Variants in ASAP2 observed in about 807,000 individuals in gnomAD.
ASAP2 encodes the protein arf-GAP with SH3 domain, ANK repeat and PH domain-containing protein 2.
ASAP2 carries 45 observed loss-of-function variants against 131.4 expected under a neutral mutation model. The ratio of observed to expected loss-of-function variants is 0.34; its 90% CI spans 0.27 to 0.44. ASAP2 has a LOEUF of 0.44. Ranked by LOEUF, ASAP2 falls within the 20% of genes least tolerant of loss-of-function variation. The probability of loss-of-function intolerance (pLI) is 1.00; values close to 1 mark genes in which losing one functional copy is unlikely to be tolerated. For missense variants in ASAP2, 1,011 were observed against 1,297.0 expected, an observed-to-expected ratio of 0.78 and a Z score of 3.39; for synonymous variants, 510 against 503.0, an observed-to-expected ratio of 1.01 and a Z score of -0.19.
chr2:9,317,367 TCAC>T (rs1364160511), intron 3 of ASAP2, among the ~76,000 whole-genome samples: 1 of 137,046 alleles, frequency 7.3e-6, no homozygotes, highest in Admixed American at 7.2e-5. Context: ...TCATTCACAT[TCAC>T]CCCCAACTCA....
intron 1 of ASAP2, among the ~76,000 whole-genome samples, chr2:9,263,074 G>A (rs758940119): frequency 6.6e-6 from 1 of 152,080 alleles, no homozygotes; most frequent in Non-Finnish European, 1.5e-5. Flanking sequence ...GAGCTCGGCT[G>A]CCTTCTGCAT....
chr2:9,400,004 T>G lies in ASAP2; in HGVS notation c.2685-19T>G, dbSNP rs1352369766. 6.2e-7 allele frequency: 1 copy of G among 1,612,422 alleles called. No individual in the cohort carries two copies. The stretch of plus-strand genomic sequence containing the variant: ...TGCCCTCCGGTAGCAGTAAATCTAC[T>G]TTTTCCCTGTCTTTGTAGGGCTGAC... On this transcript the variant is annotated intron_variant, in intron 24 of 27. Coordinates refer to ENST00000281419, the MANE Select transcript of ASAP2 (RefSeq NM_003887.3).
rs145734851 is a variant in ASAP2, at chr2:9,398,637, G to A, written c.2685-1386G>A. Reference sequence around the variant, plus strand: ...AGCCTGGCCCACATGGTGAAACCCCGTCTCTACTGAAAATACAAAAAATTT... The same window carrying A: ...AGCCTGGCCCACATGGTGAAACCCCATCTCTACTGAAAATACAAAAAATTT... On this transcript the variant is annotated intron_variant, in intron 24 of 27. Coordinates refer to ENST00000281419, the MANE Select transcript of ASAP2 (RefSeq NM_003887.3). 6.6e-3 allele frequency among the ~76,000 whole-genome samples: 999 copies of A among 152,038 alleles called. 5 individuals carry two copies. The highest frequency in any genetic ancestry group is 0.022 in the African/African-American group (917 of 41,464).
intron 24 of ASAP2, among the ~76,000 whole-genome samples, chr2:9,394,537 C>T (rs1467653431): frequency 6.6e-6 from 1 of 152,070 alleles, no homozygotes; most frequent in Non-Finnish European, 1.5e-5. Context: ...ATTTAGAGGC[C>T]AAGTTCTGGG....
chr2:9,240,852 A>G (rs1663911093), intron 1 of ASAP2, among the ~76,000 whole-genome samples: 2 of 152,192 alleles, frequency 1.3e-5, no homozygotes, highest in African/African-American at 2.4e-5. Flanking sequence ...GTAAAAAATA[A>G]GGGTTACTTG....
chr2:9,321,941 T>A (rs1670172976), intron 5 of ASAP2, among the ~76,000 whole-genome samples: 1 of 152,212 alleles, frequency 6.6e-6, no homozygotes, highest in African/African-American at 2.4e-5. Flanking sequence ...GGTTTTGTGA[T>A]ATGTAACAAC....
intron 1 of ASAP2, among the ~76,000 whole-genome samples, chr2:9,218,046 T>C (rs1423881540): frequency 6.6e-6 from 1 of 152,156 alleles, no homozygotes; most frequent in Non-Finnish European, 1.5e-5. Flanking sequence ...CTGAGGTTAG[T>C]CCTATAGTGA....
At chr2:9,387,410 A>C (rs1675367349) in intron 21 of ASAP2, among the ~76,000 whole-genome samples, 1 of 152,182 alleles carries the variant, frequency 6.6e-6, no homozygotes, top group African/African-American at 2.4e-5. Context: ...TGTTCCAATA[A>C]AACTTTACTG....
chr2:9,216,434 G>A (rs1284230246), intron 1 of ASAP2, among the ~76,000 whole-genome samples: 1 of 148,484 alleles, frequency 6.7e-6, no homozygotes, highest in African/African-American at 2.5e-5. Context: ...CTACAGGTGT[G>A]CCCCACCATG....
rs182492637 is a variant in ASAP2 at position 9,379,924 on chromosome 2, G to A, written c.1949-817G>A. ...GGAGAATCACTTGAACCCGGGAGGCGGAGGTTGCAGTGAGCTGAGATTGCA... is the reference window on the plus strand; with the variant it reads ...GGAGAATCACTTGAACCCGGGAGGCAGAGGTTGCAGTGAGCTGAGATTGCA... On this transcript the variant is annotated intron_variant, in intron 19 of 27. Coordinates refer to ENST00000281419, the MANE Select transcript of ASAP2 (RefSeq NM_003887.3). Among the ~76,000 whole-genome samples the A allele has an allele frequency of 5.9e-5, 9 of 151,550 alleles. No homozygotes were observed. In the South Asian group the frequency reaches 8.4e-4, roughly 14 times the overall value.
chr2:9,385,341 A>G lies in ASAP2; in HGVS notation c.2113A>G (p.Met705Val), dbSNP rs891365261. The change falls in exon 21 of 28, where the codon ATG becomes GTG. Residue 705 changes from methionine (M) to valine (V), a missense_variant. By Grantham distance (21) the Met-to-Val change is conservative. This residue lies in a region of ASAP2 where 652 missense variants were observed against 698.9 expected (regional missense o/e 0.93). Transcript: ENST00000281419. ...HEDLDESDDD[M>V]DEKLQPSPNR... ...AGACCTGGATGAAAGTGATGACGAC[A>G]TGGATGAGAAATTGCAGGTCTGTGC... 3.7e-6 allele frequency: 6 copies of G among 1,613,708 alleles called. No homozygotes were observed. In the African/African-American group the frequency reaches 4.0e-5, roughly 11 times the overall value.
In ASAP2 at chr2:9,344,342, T is replaced by C. The variant is rs549606609; in HGVS notation, c.850-190T>C. Among the ~76,000 whole-genome samples the C allele has an allele frequency of 1.4e-4, 22 of 152,328 alleles. No individual in the cohort carries two copies. In the South Asian group the frequency reaches 4.1e-3, roughly 29 times the overall value. On this transcript the variant is annotated intron_variant, in intron 9 of 27. Transcript: ENST00000281419. Reference sequence around the variant, plus strand: ...CCTGACATTTCCTTCTCCAGCCTGATAGATGGCATTTATCAGTTCCTAGAG... The same window carrying C: ...CCTGACATTTCCTTCTCCAGCCTGACAGATGGCATTTATCAGTTCCTAGAG...
chr2:9,298,150 G>C (rs896957544), intron 3 of ASAP2, among the ~76,000 whole-genome samples: 1 of 152,180 alleles, frequency 6.6e-6, no homozygotes, highest in Admixed American at 6.5e-5. Context: ...TTTCTTTCCT[G>C]TTTTTCTTCT....
At chr2:9,276,182 C>T (rs1666747203) in intron 1 of ASAP2, among the ~76,000 whole-genome samples, 1 of 152,206 alleles carries the variant, frequency 6.6e-6, no homozygotes, top group Non-Finnish European at 1.5e-5. Flanking sequence ...GTGCTCACAC[C>T]ATTTTATCCA....
intron 2 of ASAP2, among the ~76,000 whole-genome samples, chr2:9,291,541 G>A (rs1488945287): frequency 1.3e-5 from 2 of 152,216 alleles, no homozygotes; most frequent in Non-Finnish European, 2.9e-5. Context: ...CACAACATTC[G>A]TGTCGTGACA....
chr2:9,334,658 TA>T, intron 7 of ASAP2, 79 bp from the exon 8 acceptor site: 4 of 1,331,950 alleles, frequency 3.0e-6, no homozygotes, highest in Non-Finnish European at 4.3e-6. Context: ...TCAGTCACTT[TA>T]AAGAAGTTTT....
In ASAP2 at chr2:9,271,088, C is replaced by T. The variant is rs150866907; in HGVS notation, c.127-8229C>T. Among the ~76,000 whole-genome samples, 129 of 146,936 alleles carry T rather than the reference C, an allele frequency of 8.8e-4. 1 individual carries two copies. Among genetic ancestry groups the T allele is most frequent in the African/African-American group, 2.6e-3 (105 of 39,716 alleles). On this transcript the variant is annotated intron_variant, in intron 1 of 27. Coordinates refer to ENST00000281419, the MANE Select transcript of ASAP2 (RefSeq NM_003887.3). ...GATTACAGGCGTGAGCCACCGCGCCCGGCCCTGTTTTCATTTTTTTTTATG... is the reference window on the plus strand; with the variant it reads ...GATTACAGGCGTGAGCCACCGCGCCTGGCCCTGTTTTCATTTTTTTTTATG...
Position 9,393,469 on chromosome 2 carries a change from C to T in ASAP2, c.2519-13C>T, listed in dbSNP as rs1464565262. On this transcript the variant is annotated splice_polypyrimidine_tract_variant and intron_variant, in intron 23 of 27. Transcript: ENST00000281419. ...CGGCTGACCCTCTGCACGTCTCTCC[C>T]TGTCCTCCGCAGATCCCCTGACCCC... 3 of 1,599,500 alleles carry T rather than the reference C, an allele frequency of 1.9e-6. No homozygotes were observed. Among genetic ancestry groups the T allele is most frequent in the South Asian group, 1.1e-5 (1 of 88,678 alleles).
intron 23 of ASAP2, among the ~76,000 whole-genome samples, 164 bp from the exon 24 acceptor site, chr2:9,393,318 C>CTGTGAAT (rs565662020): frequency 1.3e-5 from 2 of 152,312 alleles, no homozygotes; most frequent in East Asian, 3.9e-4. Flanking sequence ...CTGCTTCCTC[C>CTGTGAAT]CTGTGAATGG....
Sources: gnomAD v4.1 joint callset for allele counts (sites outside exome capture counted in the v4.1 genomes callset) on GRCh38, gnomAD v4.1.1 for gene constraint, gnomAD v4.1.1 regional missense constraint, MANE v1.5 for transcripts, NCBI Gene and HGNC (gene_info 2026-07-23, HGNC 2026-07-21) for gene names.